DIAPH3: variants seen among roughly 807,000 people sequenced by gnomAD.
DIAPH3 encodes the protein diaphanous related formin 3, also known as protein diaphanous homolog 3.
DIAPH3 carries 117 observed loss-of-function variants against 144.3 expected under a neutral mutation model. The ratio of observed to expected loss-of-function variants is 0.81; its 90% CI spans 0.70 to 0.95. DIAPH3 has a LOEUF of 0.95. DIAPH3 is among the 40% of genes least tolerant of loss of function. DIAPH3 has a pLI of 0.00. For synonymous variants in DIAPH3, 519 were observed against 488.9 expected (o/e 1.06, Z -0.81); for missense variants, 1,421 against 1,412.7 (o/e 1.01, Z -0.09).
chr13:60,051,292 C>T (rs1047214363), intron 4 of DIAPH3, among the ~76,000 whole-genome samples: 2 of 151,960 alleles, frequency 1.3e-5, no homozygotes, highest in African/African-American at 2.4e-5. Flanking sequence ...GGAAACAAAA[C>T]TGATGACGCA....
intron 17 of DIAPH3, among the ~76,000 whole-genome samples, chr13:59,935,065 C>T (rs1341186272): frequency 6.6e-6 from 1 of 152,212 alleles, no homozygotes. Flanking sequence ...CACAGGTACA[C>T]TTATATGCAG....
At chr13:59,871,203 G>A (rs760775471) in intron 21 of DIAPH3, among the ~76,000 whole-genome samples, 18 of 144,612 alleles carry the variant, frequency 1.2e-4, no homozygotes, top group African/African-American at 4.5e-4. Context: ...TTTGGGGGGG[G>A]GGGTGGCGGG....
At chr13:59,756,444 A>AGAAGGAAGGAAGGAAGGAAGGAAAGAAG (rs2037268078) in intron 27 of DIAPH3, among the ~76,000 whole-genome samples, 1 of 122,758 alleles carries the variant, frequency 8.1e-6, no homozygotes, top group Admixed American at 8.4e-5. Flanking sequence ...AAGGAAGGAA[A>AGAAGGAAGGAAGGAAGGAAGGAAAGAAG]GAAGGAAGGA....
intron 5 of DIAPH3, 123 bp downstream of exon 5, chr13:60,042,567 T>C: frequency 1.8e-6 from 2 of 1,140,334 alleles, no homozygotes; most frequent in Non-Finnish European, 2.5e-6. Context: ...CATATAAATA[T>C]TAGGTATTCA....
chr13:59,843,511 C>A (rs764770389), intron 22 of DIAPH3, among the ~76,000 whole-genome samples: 18 of 152,180 alleles, frequency 1.2e-4, no homozygotes, highest in Non-Finnish European at 2.4e-4. Flanking sequence ...AGCAATTTCT[C>A]CTGGGCTTGA....
chr13:59,758,304 T>A (rs2037391490), intron 27 of DIAPH3, among the ~76,000 whole-genome samples: 1 of 152,194 alleles, frequency 6.6e-6, no homozygotes, highest in Non-Finnish European at 1.5e-5. Flanking sequence ...ACAACATAAA[T>A]ATCCACTGAT....
intron 17 of DIAPH3, among the ~76,000 whole-genome samples, chr13:59,940,324 T>G (rs530947423): frequency 6.6e-6 from 1 of 152,142 alleles, no homozygotes; most frequent in Non-Finnish European, 1.5e-5. Context: ...AACTGAAATA[T>G]CCCTTACTGT....
At chr13:60,068,288 C>T (rs1230854500) in intron 4 of DIAPH3, among the ~76,000 whole-genome samples, 1 of 152,114 alleles carries the variant, frequency 6.6e-6, no homozygotes, top group African/African-American at 2.4e-5. Flanking sequence ...TTTCAGATAA[C>T]TTAACCAAAA....
intron 13 of DIAPH3, among the ~76,000 whole-genome samples, chr13:59,982,249 C>G (rs2051064355): frequency 6.6e-6 from 1 of 151,416 alleles, no homozygotes; most frequent in African/African-American, 2.4e-5. Flanking sequence ...AAATGGTGTT[C>G]AAATATTTTA....
At chr13:59,720,344 TATTA>T (rs1333064553) in intron 27 of DIAPH3, among the ~76,000 whole-genome samples, 2 of 152,192 alleles carry the variant, frequency 1.3e-5, no homozygotes, top group Non-Finnish European at 2.9e-5. Context: ...CATATATATT[TATTA>T]CTTAGTCCAA....
intron 4 of DIAPH3, among the ~76,000 whole-genome samples, chr13:60,069,594 G>A (rs563101240): frequency 5.9e-5 from 9 of 152,060 alleles, no homozygotes; most frequent in African/African-American, 2.2e-4. Flanking sequence ...TTCTTCTAAG[G>A]GTTTTTGTAG....
chr13:59,838,531 A>T (rs1286181986), intron 23 of DIAPH3: 1 of 152,192 alleles, frequency 6.6e-6, no homozygotes, highest in Non-Finnish European at 1.5e-5. Context: ...TCTAAAGGAA[A>T]TATTAAATTT....
At position 59,827,515 on chromosome 13, in the gene DIAPH3, A is replaced by T. The variant is rs185391419; in HGVS notation, c.3027+5592T>A. 3.2e-3 allele frequency among the ~76,000 whole-genome samples: 483 copies of T among 152,232 alleles called. 3 individuals carry two copies. The highest frequency in any genetic ancestry group is 0.01 in the African/African-American group (426 of 41,574). On this transcript the variant is annotated intron_variant, in intron 24 of 27. Coordinates refer to ENST00000400324, the MANE Select transcript of DIAPH3 (RefSeq NM_001042517.2). ...ATTTCTTTAAGATGAAATGTTAAGCAAAACAAGTAAGATGTCAGATGAAAT... is the reference window on the plus strand; with the variant it reads ...ATTTCTTTAAGATGAAATGTTAAGCTAAACAAGTAAGATGTCAGATGAAAT...
chr13:60,091,840 T>TTCA, intron 4 of DIAPH3, among the ~76,000 whole-genome samples: 1 of 151,902 alleles, frequency 6.6e-6, no homozygotes, highest in South Asian at 2.1e-4. Flanking sequence ...TAATTTTGTT[T>TTCA]TTATTATTAT....
At chr13:59,793,097 A>T (rs2039409640) in intron 25 of DIAPH3, among the ~76,000 whole-genome samples, 2 of 152,166 alleles carry the variant, frequency 1.3e-5, no homozygotes, top group Admixed American at 6.5e-5. Context: ...GAACCACTTG[A>T]TGAAAGCTTC....
chr13:59,987,154 G>T (rs1243692643), intron 12 of DIAPH3, among the ~76,000 whole-genome samples: 1 of 151,906 alleles, frequency 6.6e-6, no homozygotes, highest in African/African-American at 2.4e-5. Flanking sequence ...CATAAAAAAT[G>T]ATGAGTTCAA....
At chr13:59,674,992 A>G (rs934566091) in intron 27 of DIAPH3, among the ~76,000 whole-genome samples, 1 of 152,184 alleles carries the variant, frequency 6.6e-6, no homozygotes, top group East Asian at 1.9e-4. Flanking sequence ...GAAATAATAC[A>G]GGGATATGGT....
intron 17 of DIAPH3, among the ~76,000 whole-genome samples, chr13:59,930,002 A>G (rs1758332068): frequency 6.6e-6 from 1 of 152,162 alleles, no homozygotes; most frequent in Admixed American, 6.5e-5. Flanking sequence ...CAATTTCTGA[A>G]CTTCCTTATC....
In DIAPH3 at chr13:59,686,683, G is replaced by T. The variant is rs1472870901; in HGVS notation, c.3320-19837C>A. 2.4e-4 allele frequency among the ~76,000 whole-genome samples: 36 copies of T among 152,028 alleles called. 1 individual carries two copies. The highest frequency in any genetic ancestry group is 2.4e-3 in the Admixed American group (36 of 15,240). On this transcript the variant is annotated intron_variant, in intron 27 of 27. Transcript: ENST00000400324. The stretch of plus-strand genomic sequence containing the variant: ...ATCTCTGAGTTATTTCGGGCTAGGG[G>T]TATAGAAAGTTTTGCGGGAGAATAG...
Sources: allele counts gnomAD v4.1 joint callset (sites outside exome capture counted in the v4.1 genomes callset), GRCh38; gene constraint gnomAD v4.1.1; transcripts MANE v1.5; gene names NCBI Gene and HGNC (gene_info 2026-07-23, HGNC 2026-07-21).